The following PCDH9 variants were observed in gnomAD, a reference collection of about 807,000 sequenced individuals.
The protein encoded by PCDH9 is protocadherin 9, also known as protocadherin-9.
Under a neutral mutation model 70.6 loss-of-function variants are expected in PCDH9, and 24 were observed. That is an observed-to-expected ratio of 0.34 (90% CI 0.25 to 0.48). PCDH9 has a LOEUF of 0.48. Ranked by LOEUF, PCDH9 falls within the 20% of genes least tolerant of loss-of-function variation. The probability of loss-of-function intolerance (pLI) is 0.99; values close to 1 mark genes in which losing one functional copy is unlikely to be tolerated. For synonymous variants in PCDH9, 562 were observed against 558.5 expected (o/e 1.01, Z -0.09); for missense variants, 1,281 against 1,503.6 (o/e 0.85, Z 2.45).
chr13:67,169,582 T>C (rs776174591), intron 2 of PCDH9, among the ~76,000 whole-genome samples: 7 of 151,442 alleles, frequency 4.6e-5, no homozygotes, highest in Non-Finnish European at 7.4e-5. Context: ...ACTAAAGGGA[T>C]TTTTTTGTAA....
intron 2 of PCDH9, among the ~76,000 whole-genome samples, chr13:66,946,234 G>A (rs1237012295): frequency 6.6e-6 from 1 of 152,080 alleles, no homozygotes; most frequent in African/African-American, 2.4e-5. Context: ...AAGGGAATAT[G>A]ATTAGTGTGT....
intron 4 of PCDH9, among the ~76,000 whole-genome samples, chr13:66,498,226 G>T (rs1333194512): frequency 1.4e-5 from 2 of 148,056 alleles, no homozygotes; most frequent in African/African-American, 2.5e-5. Context: ...TCACTTGAAA[G>T]CTCCACTTCC....
chr13:66,478,131 T>C (rs997066220), intron 4 of PCDH9, among the ~76,000 whole-genome samples: 1 of 152,200 alleles, frequency 6.6e-6, no homozygotes. Context: ...ATCTCTGTTA[T>C]GGTGACGTGG....
Position 67,227,133 on chromosome 13 carries a change from G to A in PCDH9, c.1308C>T (p.Ser436=). 1.2e-6 allele frequency: 2 copies of A among 1,613,934 alleles called. No homozygotes were observed. Residue 436 remains serine (S), a synonymous_variant, in exon 2 of 5, where the codon AGC becomes AGT. Transcript: ENST00000377865. This position sits in a 1 kb window ranked among gnomAD's most constrained non-coding sequence, Gnocchi z 4.6. ...LLDYEGTKEF[S]FKIVASDSGK... Reference sequence around the variant, plus strand: ...CAGAATCAGAGGCAACAATTTTAAAGCTGAATTCTTTGGTGCCCTCATAGT... The same window carrying A: ...CAGAATCAGAGGCAACAATTTTAAAACTGAATTCTTTGGTGCCCTCATAGT...
At chr13:67,100,078 C>T (rs1201096366) in intron 2 of PCDH9, among the ~76,000 whole-genome samples, 1 of 152,052 alleles carries the variant, frequency 6.6e-6, no homozygotes, top group African/African-American at 2.4e-5. Context: ...GGTTTTTGTC[C>T]TTGCTTCTGA....
chr13:67,134,806 TA>T (rs2087192444), intron 2 of PCDH9, among the ~76,000 whole-genome samples: 1 of 152,038 alleles, frequency 6.6e-6, no homozygotes, highest in African/African-American at 2.4e-5. Context: ...CTGGCATGAG[TA>T]AAACGGCAGT....
In PCDH9 at chr13:67,226,520, AG is replaced by A. The variant is rs753891858; in HGVS notation, c.1920del (p.Tyr641ThrfsTer21). Reference sequence around the variant, plus strand: ...TCAGTGGCTTTGACATCAAAAGTGTAGGAACTCTGCTGCTCTCTATCAAATG... The same window carrying A: ...TCAGTGGCTTTGACATCAAAAGTGTAGAACTCTGCTGCTCTCTATCAAATG... ...NVSFDREQQSSYTFDVKATDG... is the reference protein window; with the variant it reads ...NVSFDREQQSXYTFDVKATDG... On this transcript the variant is annotated frameshift_variant, in exon 2 of 5. Transcript: ENST00000377865. LOFTEE classifies it high-confidence loss of function. The surrounding 1 kb of genome is among the most constrained non-coding windows in gnomAD (Gnocchi z 5.0). 6.2e-7 allele frequency: 1 copy of A among 1,614,086 alleles called. No homozygotes were observed.
At chr13:66,791,444 C>T (rs959566148) in intron 3 of PCDH9, among the ~76,000 whole-genome samples, 1 of 151,948 alleles carries the variant, frequency 6.6e-6, no homozygotes, top group African/African-American at 2.4e-5. Context: ...AACTGCAGGA[C>T]TATAAAGATT....
At chr13:66,855,572 T>A in intron 3 of PCDH9, among the ~76,000 whole-genome samples, 1 of 152,140 alleles carries the variant, frequency 6.6e-6, no homozygotes. Context: ...TGAAATAGTG[T>A]ACATATATTG....
At chr13:67,113,167 T>C (rs896306268) in intron 2 of PCDH9, among the ~76,000 whole-genome samples, 1 of 152,192 alleles carries the variant, frequency 6.6e-6, no homozygotes, top group African/African-American at 2.4e-5. Context: ...GGTTGAAATG[T>C]TATTGGATTT....
At chr13:66,533,468 C>T (rs955021966) in intron 4 of PCDH9, among the ~76,000 whole-genome samples, 8 of 151,866 alleles carry the variant, frequency 5.3e-5, no homozygotes, top group African/African-American at 1.9e-4. Context: ...TAACAAATTA[C>T]TTTTGTATTT....
intron 2 of PCDH9, among the ~76,000 whole-genome samples, chr13:67,147,127 A>G (rs2087541777): frequency 6.6e-6 from 1 of 152,128 alleles, no homozygotes; most frequent in Non-Finnish European, 1.5e-5. Flanking sequence ...TTATTCTGCA[A>G]GTATTACAGT....
chr13:66,519,875 C>T (rs961839616), intron 4 of PCDH9, among the ~76,000 whole-genome samples: 2 of 149,260 alleles, frequency 1.3e-5, no homozygotes, highest in African/African-American at 2.5e-5. Context: ...CTCGACTGGT[C>T]GACGGCAGTC....
chr13:67,217,276 A>AG (rs2089630307), intron 2 of PCDH9: 1 of 150,998 alleles, frequency 6.6e-6, no homozygotes, highest in Non-Finnish European at 1.5e-5. Context: ...AATGAGGAAA[A>AG]AAAAAAACCT....
intron 4 of PCDH9, among the ~76,000 whole-genome samples, chr13:66,317,533 A>G (rs1291346870): frequency 1.3e-5 from 2 of 152,200 alleles, no homozygotes; most frequent in African/African-American, 4.8e-5. Flanking sequence ...CTAACCATTT[A>G]ATCATAATTT....
chr13:67,098,105 T>G (rs1342362930), intron 2 of PCDH9, among the ~76,000 whole-genome samples: 1 of 152,122 alleles, frequency 6.6e-6, no homozygotes, highest in East Asian at 1.9e-4. Context: ...AAAAATAGTT[T>G]CATTACCAAG....
chr13:67,222,267 A>AC (rs2089745475), intron 2 of PCDH9: 1 of 140,126 alleles, frequency 7.1e-6, no homozygotes, highest in South Asian at 2.3e-4. Context: ...ACAAATAATT[A>AC]CCGAGACATG....
chr13:66,634,913 C>T (rs2077617853), intron 3 of PCDH9, among the ~76,000 whole-genome samples: 1 of 152,046 alleles, frequency 6.6e-6, no homozygotes, highest in South Asian at 2.1e-4. Context: ...TGACGCAGCT[C>T]TTAGTGTGGG....
chr13:66,522,110 T>C (rs1960022029), intron 4 of PCDH9, among the ~76,000 whole-genome samples: 1 of 150,084 alleles, frequency 6.7e-6, no homozygotes, highest in Admixed American at 6.7e-5. Flanking sequence ...TCAAATTTCC[T>C]CCTTTGGCTA....
Sources: allele counts gnomAD v4.1 joint callset (sites outside exome capture counted in the v4.1 genomes callset), GRCh38; gene constraint gnomAD v4.1.1; non-coding constraint Gnocchi (gnomAD v3.1); transcripts MANE v1.5; gene names NCBI Gene and HGNC (gene_info 2026-07-23, HGNC 2026-07-21).